Variants in RASGRF2 observed in about 807,000 individuals in gnomAD.
RASGRF2 encodes Ras protein specific guanine nucleotide releasing factor 2.
A neutral mutation model predicts 151.0 loss-of-function variants in RASGRF2; 76 were observed. The observed-to-expected ratio is 0.50, with a 90% confidence interval of 0.42 to 0.61. RASGRF2 has a LOEUF of 0.61. Among genes scored for constraint, RASGRF2 ranks in the 20% least tolerant of loss-of-function variants. The pLI, the probability that RASGRF2 is intolerant of heterozygous loss-of-function variation, is 0.00. For synonymous variants in RASGRF2, 504 were observed against 566.5 expected (o/e 0.89, Z 1.57); for missense variants, 1,148 against 1,564.6 (o/e 0.73, Z 4.49).
chr5:81,131,306 G>A (rs1299249200), intron 17 of RASGRF2, among the ~76,000 whole-genome samples: 7 of 152,064 alleles, frequency 4.6e-5, no homozygotes, highest in Admixed American at 2.6e-4. Context: ...TGCTGCTGGG[G>A]TCTCAGCCTG....
chr5:81,105,589 G>C (rs1580319398), intron 12 of RASGRF2, among the ~76,000 whole-genome samples: 1 of 152,092 alleles, frequency 6.6e-6, no homozygotes, highest in Non-Finnish European at 1.5e-5. Context: ...GAAATTGAAG[G>C]AACATTGTTC....
chr5:81,116,146 A>G (rs1376712515), intron 15 of RASGRF2, among the ~76,000 whole-genome samples: 2 of 124,730 alleles, frequency 1.6e-5, no homozygotes, highest in Admixed American at 2.1e-4. Context: ...GCAGTGGCAC[A>G]ATCTTGACTC....
intron 1 of RASGRF2, among the ~76,000 whole-genome samples, chr5:80,987,993 TTTG>T (rs10563575): frequency 0.72 from 107,898 of 150,868 alleles, 38,612 homozygotes; most frequent in East Asian, 0.79. Context: ...CATGTGTAGT[TTTG>T]AAATAAATGT....
chr5:80,970,226 C>T (rs1747886789), intron 1 of RASGRF2, among the ~76,000 whole-genome samples: 1 of 152,198 alleles, frequency 6.6e-6, no homozygotes, highest in South Asian at 2.1e-4. Context: ...TATTTTAGGG[C>T]AGTTACTAAG....
chr5:81,033,635 AC>A (rs1258967591), intron 1 of RASGRF2, among the ~76,000 whole-genome samples: 2 of 151,518 alleles, frequency 1.3e-5, no homozygotes, highest in African/African-American at 4.8e-5. Flanking sequence ...TACACCTTAT[AC>A]AAAAATTAAT....
At chr5:80,965,594 A>G (rs1449672963) in intron 1 of RASGRF2, among the ~76,000 whole-genome samples, 1 of 152,268 alleles carries the variant, frequency 6.6e-6, no homozygotes, top group Middle Eastern at 3.4e-3. Flanking sequence ...TATTGTTGTG[A>G]ACAACTATTT....
At chr5:80,991,656 A>G (rs7706448) in intron 1 of RASGRF2, among the ~76,000 whole-genome samples, 61,425 of 152,072 alleles carry the variant, frequency 0.4, 13,384 homozygotes, top group Middle Eastern at 0.55. Flanking sequence ...TGAGATGTAT[A>G]TTGATGTACA....
chr5:81,204,994 C>G (rs1185336367), intron 19 of RASGRF2, among the ~76,000 whole-genome samples: 1 of 152,210 alleles, frequency 6.6e-6, no homozygotes, highest in African/African-American at 2.4e-5. Flanking sequence ...TCTCCAGGAA[C>G]CTAGAATGGT....
chr5:81,065,417 C>G (rs1306214237), intron 2 of RASGRF2, among the ~76,000 whole-genome samples: 1 of 152,152 alleles, frequency 6.6e-6, no homozygotes, highest in Non-Finnish European at 1.5e-5. Context: ...GGAGTAAACC[C>G]AAGCTCTGTT....
intron 17 of RASGRF2, among the ~76,000 whole-genome samples, chr5:81,179,513 A>G (rs1294469508): frequency 4.6e-5 from 7 of 152,186 alleles, no homozygotes; most frequent in African/African-American, 1.7e-4. Flanking sequence ...ACAAATAATG[A>G]TTGTAGATAT....
At chr5:81,113,263 G>GCCTGAGT (rs1484076164) in intron 14 of RASGRF2, 1 of 529,130 alleles carries the variant, frequency 1.9e-6, no homozygotes, top group East Asian at 3.3e-5. Flanking sequence ...CTGGTGTGGA[G>GCCTGAGT]CCTGAGTTCT....
At chr5:81,223,918 T>TA (rs1396654861) in intron 26 of RASGRF2, among the ~76,000 whole-genome samples, 1 of 152,202 alleles carries the variant, frequency 6.6e-6, no homozygotes, top group African/African-American at 2.4e-5. Flanking sequence ...AAAATATTCA[T>TA]GACCTTTGGA....
chr5:80,967,758 G>A (rs1747769244), intron 1 of RASGRF2, among the ~76,000 whole-genome samples: 1 of 152,186 alleles, frequency 6.6e-6, no homozygotes, highest in African/African-American at 2.4e-5. Flanking sequence ...TGTGGAAATA[G>A]GGAGGTGATA....
chr5:81,043,810 G>A (rs376765925), intron 2 of RASGRF2, among the ~76,000 whole-genome samples: 160 of 152,218 alleles, frequency 1.1e-3, no homozygotes, highest in African/African-American at 3.7e-3. Flanking sequence ...CACCTGATGA[G>A]CCTTCCCTTC....
At chr5:81,194,747 G>A (rs1476223032) in intron 18 of RASGRF2, among the ~76,000 whole-genome samples, 2 of 152,164 alleles carry the variant, frequency 1.3e-5, no homozygotes, top group Admixed American at 6.5e-5. Context: ...CCCAAGGGGG[G>A]CCCCTTGCAG....
Position 81,149,228 on chromosome 5 carries a change from G to C in RASGRF2, c.2686+22065G>C, listed in dbSNP as rs183890986. ...AATTGCAGAAATATGGAACCAAACT[G>C]TATGCCTATCAACCAATGAGTGGAT... On this transcript the variant is annotated intron_variant, in intron 17 of 26. Coordinates refer to ENST00000265080, the MANE Select transcript of RASGRF2 (RefSeq NM_006909.3). Among the ~76,000 whole-genome samples the C allele has an allele frequency of 2.0e-5, 3 of 152,310 alleles. No homozygotes were observed. In the East Asian group the frequency reaches 5.8e-4, roughly 29 times the overall value.
intron 26 of RASGRF2, among the ~76,000 whole-genome samples, chr5:81,221,843 G>A (rs1755862771): frequency 1.3e-5 from 2 of 152,212 alleles, no homozygotes. Flanking sequence ...CAGGCATGGT[G>A]GCGGGCAGCT....
intron 2 of RASGRF2, among the ~76,000 whole-genome samples, chr5:81,046,680 C>A (rs558066549): frequency 1.0e-3 from 154 of 152,130 alleles, no homozygotes; most frequent in African/African-American, 3.5e-3. Flanking sequence ...TAAAAAATAA[C>A]CTGATATTTC....
chr5:81,003,067 T>G (rs1286573796), intron 1 of RASGRF2, among the ~76,000 whole-genome samples: 1 of 146,286 alleles, frequency 6.8e-6, no homozygotes, highest in African/African-American at 2.5e-5. Flanking sequence ...ACTATTTTTT[T>G]TGAGAGAGAG....
Sources: gnomAD v4.1 joint callset for allele counts (sites outside exome capture counted in the v4.1 genomes callset) on GRCh38, gnomAD v4.1.1 for gene constraint, MANE v1.5 for transcripts, NCBI Gene and HGNC (gene_info 2026-07-23, HGNC 2026-07-21) for gene names.